The following FREM2 variants were observed in gnomAD, a reference collection of about 807,000 sequenced individuals.
The protein encoded by FREM2 is FRAS1 related extracellular matrix 2.
In FREM2, 119 loss-of-function variants were observed where a neutral mutation model predicts 219.9. The observed-to-expected ratio is 0.54, with a 90% confidence interval of 0.47 to 0.63. The LOEUF is 0.63. FREM2 is among the 30% of genes least tolerant of loss of function. The pLI is 0.00. For synonymous variants in FREM2, 1,562 were observed against 1,522.8 expected (o/e 1.03, Z -0.60); for missense variants, 4,030 against 3,993.6 (o/e 1.01, Z -0.25).
chr13:38,836,138 G>A (rs1876697208), intron 6 of FREM2, among the ~76,000 whole-genome samples: 2 of 152,186 alleles, frequency 1.3e-5, no homozygotes, highest in South Asian at 2.1e-4. Flanking sequence ...TTTATTGAGC[G>A]TTTTTAGCAT....
intron 2 of FREM2, among the ~76,000 whole-genome samples, chr13:38,729,152 C>T (rs1871662081): frequency 6.6e-6 from 1 of 152,144 alleles, no homozygotes; most frequent in Non-Finnish European, 1.5e-5. Context: ...AAACCCTGAA[C>T]TCAGCATTTC....
Position 38,809,461 on chromosome 13 carries a change from T to A in FREM2, c.6019+24653T>A, listed in dbSNP as rs546364981. 3.5e-4 allele frequency among the ~76,000 whole-genome samples: 53 copies of A among 152,196 alleles called. 1 individual carries two copies. The South Asian group carries it at 0.01, about 30-fold the overall frequency. ...CTTGTAGTAGTTTTATAGTTTGAGGTCTTAAATTTAAGTCTTTAATCCATT... is the reference window on the plus strand; with the variant it reads ...CTTGTAGTAGTTTTATAGTTTGAGGACTTAAATTTAAGTCTTTAATCCATT... On this transcript the variant is annotated intron_variant, in intron 6 of 23. Transcript: ENST00000280481.
chr13:38,782,674 A>G (rs1258779774), intron 4 of FREM2, among the ~76,000 whole-genome samples: 1 of 152,226 alleles, frequency 6.6e-6, no homozygotes, highest in Non-Finnish European at 1.5e-5. Context: ...GAGTTTCCTC[A>G]TCTGCAAAGT....
chr13:38,846,012 A>G (rs9548499), intron 6 of FREM2, among the ~76,000 whole-genome samples: 18,768 of 152,172 alleles, frequency 0.12, 1,397 homozygotes, highest in Admixed American at 0.21. Flanking sequence ...ACCTGCAGTC[A>G]GGCCCTGCAG....
At chr13:38,782,726 T>C (rs1874166274) in intron 4 of FREM2, among the ~76,000 whole-genome samples, 1 of 152,212 alleles carries the variant, frequency 6.6e-6, no homozygotes, top group African/African-American at 2.4e-5. Flanking sequence ...TTTCCACCTC[T>C]CAAGTGGTGC....
rs1869687581 is a variant in FREM2, at chr13:38,689,318, T to C, written c.1974T>C (p.Ser658=). ...ITEGRLFYRH[S]GPHSPGPVTD... ...AGGGCAGGCTGTTCTATAGACACTC[T>C]GGGCCCCATAGTCCTGGGCCAGTCA... is the stretch of plus-strand genomic sequence containing the variant. The change falls in exon 1 of 24, where the codon TCT becomes TCC. Residue 658 remains serine, a synonymous_variant. Coordinates refer to ENST00000280481, the MANE Select transcript of FREM2 (RefSeq NM_207361.6). 4 of 1,614,098 alleles carry C rather than the reference T, an allele frequency of 2.5e-6. No individual in the cohort carries two copies. The African/African-American group carries it at 4.0e-5, about 16-fold the overall frequency.
chr13:38,883,523 C>G lies in FREM2; in HGVS notation c.*2736C>G, dbSNP rs988029178. 9 of 152,072 alleles carry G rather than the reference C, an allele frequency of 5.9e-5. No homozygotes were observed. The highest frequency in any genetic ancestry group is 2.2e-4 in the African/African-American group (9 of 41,406). The allele number at this position is 152,072 out of a possible 1,614,324, so 9.4% of individuals were successfully genotyped here. On this transcript the variant is annotated 3_prime_UTR_variant, in exon 24 of 24. Coordinates refer to ENST00000280481, the MANE Select transcript of FREM2 (RefSeq NM_207361.6). ...CCAAAAATAAATATTATTCAAGTGG[C>G]TCTTCTAAGCATGTGAATCATGAAG...
At position 38,769,586 on chromosome 13, in the gene FREM2, A is replaced by C. The variant is rs1180947022; in HGVS notation, c.5419A>C (p.Thr1807Pro). Residue 1807 changes from threonine to proline, a missense_variant, in exon 4 of 24, where the codon ACA becomes CCA. Physicochemically the swap from Thr to Pro is conservative, Grantham distance 38. Coordinates refer to ENST00000280481, the MANE Select transcript of FREM2 (RefSeq NM_207361.6). The stretch of plus-strand genomic sequence containing the variant: ...ATTATGTTTTTGTGAAGGTATTGGC[A>C]CAAGAGACAGAACTGCAGAAAAAGA... Reference protein sequence around the residue: ...LGETSFISIGTRDRTAEKDKD... With the variant: ...LGETSFISIGPRDRTAEKDKD... The C allele has an allele frequency of 6.2e-7, 1 of 1,613,378 alleles. No homozygotes were observed. Among genetic ancestry groups the C allele is most frequent in the Non-Finnish European group, 8.5e-7 (1 of 1,179,454 alleles).
At chr13:38,870,563 A>C (rs1239323865) in intron 16 of FREM2, among the ~76,000 whole-genome samples, 1 of 152,106 alleles carries the variant, frequency 6.6e-6, no homozygotes, top group Admixed American at 6.6e-5. Flanking sequence ...ATTGCATTGC[A>C]CTCTTCACTT....
chr13:38,758,364 A>C (rs934053405), intron 2 of FREM2, among the ~76,000 whole-genome samples: 2 of 152,196 alleles, frequency 1.3e-5, no homozygotes, highest in Admixed American at 1.3e-4. Context: ...ACCACCCTGT[A>C]CTTAAGCCCC....
chr13:38,814,767 A>T (rs1026137617), intron 6 of FREM2, among the ~76,000 whole-genome samples: 1 of 152,190 alleles, frequency 6.6e-6, no homozygotes, highest in Non-Finnish European at 1.5e-5. Flanking sequence ...TTAAGCTGAT[A>T]TTCAAACCAC....
chr13:38,687,917 A>G lies in FREM2; in HGVS notation c.573A>G (p.Glu191=), dbSNP rs756179898. 2 of 1,597,220 alleles carry G rather than the reference A, an allele frequency of 1.3e-6. No individual in the cohort carries two copies. Among genetic ancestry groups the G allele is most frequent in the Non-Finnish European group, 1.7e-6 (2 of 1,170,632 alleles). Residue 191 remains glutamate, a synonymous_variant, in exon 1 of 24, where the codon GAA becomes GAG. Transcript: ENST00000280481. ...VVTRNLPLVV[E]ELLGTSNALD... is the part of the protein sequence containing the mutation. ...CTCGGAACTTGCCTCTGGTCGTGGA[A>G]GAGCTGCTGGGGACCAGCAATGCCC... is the stretch of plus-strand genomic sequence containing the variant.
chr13:38,881,107 A>T lies in FREM2; in HGVS notation c.*320A>T. Reference sequence around the variant, plus strand: ...GAGATAAATCTATTAAAAGGTGCTAACAGACTCTCTTACAAGTGTAAGAGG... The same window carrying T: ...GAGATAAATCTATTAAAAGGTGCTATCAGACTCTCTTACAAGTGTAAGAGG... On this transcript the variant is annotated 3_prime_UTR_variant, in exon 24 of 24. Coordinates refer to ENST00000280481, the MANE Select transcript of FREM2 (RefSeq NM_207361.6). 2.5e-6 allele frequency: 1 copy of T among 402,872 alleles called. No individual in the cohort carries two copies. The highest frequency in any genetic ancestry group is 2.3e-5 in the South Asian group (1 of 43,762). 25.0% of individuals were successfully genotyped at this position (402,872 alleles called of 1,614,324 possible).
intron 2 of FREM2, among the ~76,000 whole-genome samples, chr13:38,761,136 C>CAGA: frequency 6.6e-6 from 1 of 152,086 alleles, no homozygotes; most frequent in Non-Finnish European, 1.5e-5. Context: ...ATGTCCTGGG[C>CAGA]AGAAGATACA....
chr13:38,857,802 T>A (rs1877616242), intron 12 of FREM2, 73 bp from the exon 13 acceptor site: 3 of 1,302,130 alleles, frequency 2.3e-6, no homozygotes, highest in African/African-American at 1.5e-5. Flanking sequence ...GGATCGTGAG[T>A]ATTGTTCTGT....
rs1181904242 is a variant in FREM2, at chr13:38,691,402, A to G, written c.4058A>G (p.Gln1353Arg). Residue 1353 changes from glutamine to arginine, a missense_variant, in exon 1 of 24, where the codon CAG (glutamine) becomes CGG (arginine). By Grantham distance (43) the Gln-to-Arg change is conservative. Coordinates refer to ENST00000280481, the MANE Select transcript of FREM2 (RefSeq NM_207361.6). The stretch of plus-strand genomic sequence containing the variant: ...TATGGGCCAGGACATGGCTTATTAC[A>G]GAGACGAAAACCTACTGGTGCCTTT... Reference protein sequence around the residue: ...IRYGPGHGLLQRRKPTGAFEN... With the variant: ...IRYGPGHGLLRRRKPTGAFEN... 6.2e-7 allele frequency: 1 copy of G among 1,614,204 alleles called. No homozygotes were observed. The highest frequency in any genetic ancestry group is 1.1e-5 in the South Asian group (1 of 91,078).
At chr13:38,837,705 G>A (rs1876765271) in intron 6 of FREM2, among the ~76,000 whole-genome samples, 1 of 151,472 alleles carries the variant, frequency 6.6e-6, no homozygotes, top group Non-Finnish European at 1.5e-5. Flanking sequence ...GCCCTTCTTT[G>A]TCTTTTTTTA....
At chr13:38,751,524 C>T (rs1003859350) in intron 2 of FREM2, among the ~76,000 whole-genome samples, 9 of 152,084 alleles carry the variant, frequency 5.9e-5, no homozygotes, top group Non-Finnish European at 1.2e-4. Flanking sequence ...CTGGGAGGGG[C>T]CCATCCTCCA....
intron 20 of FREM2, among the ~76,000 whole-genome samples, chr13:38,876,703 T>G (rs1878355013): frequency 6.6e-6 from 1 of 152,226 alleles, no homozygotes; most frequent in African/African-American, 2.4e-5. Flanking sequence ...GCATTTCTTT[T>G]CTTGTTCTTC....
Sources: allele counts gnomAD v4.1 joint callset (sites outside exome capture counted in the v4.1 genomes callset), GRCh38; gene constraint gnomAD v4.1.1; transcripts MANE v1.5; gene names NCBI Gene and HGNC (gene_info 2026-07-23, HGNC 2026-07-21).